CMTM8: variants seen among roughly 807,000 people sequenced by gnomAD.
The protein encoded by CMTM8 is CKLF-like MARVEL transmembrane domain-containing protein 8.
In CMTM8, 12 loss-of-function variants were observed where a neutral mutation model predicts 18.6. That is an observed-to-expected ratio of 0.65 (90% CI 0.41 to 1.05). CMTM8 has a LOEUF of 1.05. CMTM8 is among the 50% of genes least tolerant of loss of function. The pLI is 0.00. For missense variants in CMTM8, 217 were observed against 227.2 expected, an observed-to-expected ratio of 0.95 and a Z score of 0.29; for synonymous variants, 87 against 90.6, an observed-to-expected ratio of 0.96 and a Z score of 0.23.
At chr3:32,364,042 C>G (rs1331770618) in intron 2 of CMTM8, among the ~76,000 whole-genome samples, 1 of 152,190 alleles carries the variant, frequency 6.6e-6, no homozygotes, top group Non-Finnish European at 1.5e-5. Flanking sequence ...GAAAGGCAAG[C>G]CGCAGGTGAA....
At chr3:32,260,620 A>G (rs550688081) in intron 1 of CMTM8, among the ~76,000 whole-genome samples, 15 of 149,876 alleles carry the variant, frequency 1.0e-4, no homozygotes, top group Middle Eastern at 7.0e-3. Flanking sequence ...TCTAGATTAC[A>G]TGTTAACATC....
At chr3:32,246,504 G>A (rs892611357) in intron 1 of CMTM8, among the ~76,000 whole-genome samples, 12 of 152,088 alleles carry the variant, frequency 7.9e-5, no homozygotes, top group Admixed American at 4.6e-4. Flanking sequence ...TGGTTTTCCT[G>A]TACCCTGCTT....
chr3:32,251,462 T>A (rs996386784), intron 1 of CMTM8, among the ~76,000 whole-genome samples: 19 of 149,774 alleles, frequency 1.3e-4, no homozygotes, highest in Non-Finnish European at 1.3e-4. Context: ...TACAGACACA[T>A]GCCACCACAC....
At chr3:32,346,351 C>G (rs1282059593) in intron 1 of CMTM8, among the ~76,000 whole-genome samples, 1 of 152,208 alleles carries the variant, frequency 6.6e-6, no homozygotes, top group Admixed American at 6.5e-5. Context: ...TCTTCTGATT[C>G]AATTCTACAT....
At chr3:32,310,157 G>GTT (rs1491489175) in intron 1 of CMTM8, among the ~76,000 whole-genome samples, 1 of 97,272 alleles carries the variant, frequency 1.0e-5, no homozygotes, top group Non-Finnish European at 2.1e-5. Context: ...TTAAAATTGT[G>GTT]GTTTTTTTTT....
At chr3:32,307,292 G>A (rs1419397679) in intron 1 of CMTM8, among the ~76,000 whole-genome samples, 2 of 152,180 alleles carry the variant, frequency 1.3e-5, no homozygotes, top group Non-Finnish European at 2.9e-5. Flanking sequence ...AGTGAGCTGA[G>A]ATCGCACCAC....
intron 1 of CMTM8, among the ~76,000 whole-genome samples, chr3:32,282,642 A>G (rs1575158735): frequency 1.3e-5 from 2 of 152,282 alleles, no homozygotes; most frequent in East Asian, 1.9e-4. Flanking sequence ...TCTCAGCACA[A>G]CAGCCAGAGA....
chr3:32,363,537 C>T (rs75939552), intron 2 of CMTM8, among the ~76,000 whole-genome samples: 1,904 of 152,280 alleles, frequency 0.013, 32 homozygotes, highest in African/African-American at 0.043. Flanking sequence ...CTGGAAACTC[C>T]GTTACCATAT....
intron 1 of CMTM8, among the ~76,000 whole-genome samples, chr3:32,298,411 A>G (rs2125561150): frequency 6.6e-6 from 1 of 151,522 alleles, no homozygotes; most frequent in South Asian, 2.1e-4. Flanking sequence ...AGGATCTAAA[A>G]TACAGAGATA....
intron 1 of CMTM8, among the ~76,000 whole-genome samples, chr3:32,307,612 A>G (rs1695742093): frequency 6.6e-6 from 1 of 152,080 alleles, no homozygotes; most frequent in South Asian, 2.1e-4. Flanking sequence ...GCTTGAAGAG[A>G]AGTCGAGGTT....
At chr3:32,327,019 C>T (rs1481101053) in intron 1 of CMTM8, among the ~76,000 whole-genome samples, 3 of 152,008 alleles carry the variant, frequency 2.0e-5, no homozygotes, top group South Asian at 2.1e-4. Context: ...GGAGCTATGT[C>T]GTCTTTCTTG....
At chr3:32,295,135 T>C (rs563309016) in intron 1 of CMTM8, among the ~76,000 whole-genome samples, 1 of 151,812 alleles carries the variant, frequency 6.6e-6, no homozygotes, top group Non-Finnish European at 1.5e-5. Flanking sequence ...TTTGAACACA[T>C]ATTTTGTTCC....
intron 1 of CMTM8, chr3:32,259,289 C>G: frequency 1.5e-6 from 1 of 671,344 alleles, no homozygotes; most frequent in South Asian, 1.4e-5. Context: ...AGCAAAATCC[C>G]CTGAAGGGAC....
intron 2 of CMTM8, among the ~76,000 whole-genome samples, chr3:32,359,887 T>C (rs1256087283): frequency 2.6e-5 from 4 of 152,206 alleles, no homozygotes; most frequent in Non-Finnish European, 5.9e-5. Context: ...TGGAGTCTTG[T>C]GACTTTGCAC....
At chr3:32,270,005 C>T (rs1446685097) in intron 1 of CMTM8, among the ~76,000 whole-genome samples, 3 of 151,840 alleles carry the variant, frequency 2.0e-5, no homozygotes, top group Non-Finnish European at 4.4e-5. Flanking sequence ...AACTCCTATA[C>T]TCAAGTAATC....
At chr3:32,342,732 G>A (rs917274454) in intron 1 of CMTM8, among the ~76,000 whole-genome samples, 2 of 152,236 alleles carry the variant, frequency 1.3e-5, no homozygotes, top group African/African-American at 4.8e-5. Context: ...ACAGAGAAAA[G>A]TAGGTTTTTT....
chr3:32,269,853 C>G (rs1031819426), intron 1 of CMTM8, among the ~76,000 whole-genome samples: 1 of 152,102 alleles, frequency 6.6e-6, no homozygotes, highest in African/African-American at 2.4e-5. Flanking sequence ...TCATAGTTCA[C>G]TCTAAACTTG....
At chr3:32,315,127 T>TTG in intron 1 of CMTM8, among the ~76,000 whole-genome samples, 1 of 147,198 alleles carries the variant, frequency 6.8e-6, no homozygotes, top group African/African-American at 2.5e-5. Flanking sequence ...TTCTTCTTCT[T>TTG]CTTTTTTTTT....
At chr3:32,340,478 C>G (rs1396863090) in intron 1 of CMTM8, among the ~76,000 whole-genome samples, 1 of 152,198 alleles carries the variant, frequency 6.6e-6, no homozygotes, top group Non-Finnish European at 1.5e-5. Flanking sequence ...ATAATCTTCT[C>G]TGGCTTGATA....
Sources: gnomAD v4.1 joint callset for allele counts (sites outside exome capture counted in the v4.1 genomes callset) on GRCh38, gnomAD v4.1.1 for gene constraint, MANE v1.5 for transcripts, NCBI Gene and HGNC (gene_info 2026-07-23, HGNC 2026-07-21) for gene names.